TNRC6B: variants seen among roughly 807,000 people sequenced by gnomAD.
TNRC6B encodes the protein trinucleotide repeat-containing gene 6B protein.
A neutral mutation model predicts 203.6 loss-of-function variants in TNRC6B; 52 were observed. The ratio of observed to expected loss-of-function variants is 0.26; its 90% confidence interval spans 0.20 to 0.32. TNRC6B has a LOEUF of 0.32. Ranked by LOEUF, TNRC6B falls within the 10% of genes least tolerant of loss-of-function variation. TNRC6B has a pLI of 1.00. For missense variants in TNRC6B, 1,923 were observed against 2,286.2 expected (o/e 0.84, Z 3.24); for synonymous variants, 838 against 845.7 (o/e 0.99, Z 0.16).
At chr22:40,233,943 G>A (rs567398830) in intron 1 of TNRC6B, among the ~76,000 whole-genome samples, 2 of 152,236 alleles carry the variant, frequency 1.3e-5, no homozygotes, top group South Asian at 2.1e-4. Context: ...TAATGTCATC[G>A]TTTCAGTAGA....
chr22:40,292,545 A>G (rs763119587), intron 12 of TNRC6B, among the ~76,000 whole-genome samples: 6 of 152,252 alleles, frequency 3.9e-5, no homozygotes, highest in Non-Finnish European at 8.8e-5. Flanking sequence ...GTTAAATGCC[A>G]TATCGATTGC....
intron 1 of TNRC6B, among the ~76,000 whole-genome samples, chr22:40,055,936 A>G (rs2067791163): frequency 1.3e-5 from 2 of 152,216 alleles, no homozygotes; most frequent in Admixed American, 1.3e-4. Context: ...CCAAGTCTCC[A>G]AGTGGTTCAC....
intron 3 of TNRC6B, among the ~76,000 whole-genome samples, chr22:40,261,526 G>A (rs1035955492): frequency 6.6e-5 from 10 of 151,666 alleles, no homozygotes; most frequent in Admixed American, 1.3e-4. Context: ...TGCAGTGAGC[G>A]GAGATTGCAC....
rs1420432875 is a variant in TNRC6B, at chr22:40,333,824, T to G, written c.*10583T>G. 6.6e-6 allele frequency: 1 copy of G among 152,638 alleles called. No individual in the cohort carries two copies. Among genetic ancestry groups the G allele is most frequent in the Non-Finnish European group, 1.5e-5 (1 of 68,046 alleles). 9.5% of individuals were successfully genotyped at this position (152,638 alleles called of 1,614,324 possible). ...CTCATGTGGATCTGTCAGCTATTGC[T>G]TGCCTAGATTTGGGCACCCATGAAG... On this transcript the variant is annotated 3_prime_UTR_variant, in exon 23 of 23. Coordinates refer to ENST00000454349, the MANE Select transcript of TNRC6B (RefSeq NM_001162501.2).
chr22:40,219,976 A>G (rs1044745708), intron 1 of TNRC6B, among the ~76,000 whole-genome samples: 1 of 152,168 alleles, frequency 6.6e-6, no homozygotes, highest in South Asian at 2.1e-4. Flanking sequence ...AAATGAACGC[A>G]TGGGGGAAAA....
chr22:40,154,838 CTCAAAAA>C (rs1569000636), intron 3 of TNRC6B, among the ~76,000 whole-genome samples: 1 of 27,048 alleles, frequency 3.7e-5, no homozygotes, highest in Non-Finnish European at 6.2e-5. Context: ...AAGACTCTAT[CTCAAAAA>C]AAAAAAAAAA....
intron 2 of TNRC6B, among the ~76,000 whole-genome samples, chr22:40,246,728 G>A (rs2070112491): frequency 1.3e-5 from 2 of 152,096 alleles, no homozygotes; most frequent in Non-Finnish European, 2.9e-5. Flanking sequence ...ATTTTCTTAA[G>A]CAAGCCTATA....
chr22:40,303,083 T>C (rs1306888260), intron 15 of TNRC6B, among the ~76,000 whole-genome samples: 1 of 134,448 alleles, frequency 7.4e-6, no homozygotes, highest in Non-Finnish European at 1.6e-5. Flanking sequence ...GGAGTCTCAC[T>C]CTGTCGCCCA....
At chr22:40,196,115 C>G (rs1164478860) in intron 1 of TNRC6B, among the ~76,000 whole-genome samples, 2 of 151,758 alleles carry the variant, frequency 1.3e-5, no homozygotes, top group Non-Finnish European at 2.9e-5. Flanking sequence ...TAGGTTGGCC[C>G]ATAGTGCATC....
chr22:40,291,310 A>C (rs767512975), intron 12 of TNRC6B, among the ~76,000 whole-genome samples: 20 of 152,128 alleles, frequency 1.3e-4, no homozygotes, highest in Admixed American at 2.6e-4. Context: ...ACCTGAGCCC[A>C]GGAGGTTGAG....
intron 3 of TNRC6B, among the ~76,000 whole-genome samples, chr22:40,155,575 C>A (rs1265523229): frequency 2.6e-5 from 4 of 152,006 alleles, no homozygotes; most frequent in African/African-American, 9.7e-5. Flanking sequence ...GCGTGAGCCA[C>A]CCTGCCTGGC....
chr22:40,126,962 C>A (rs899681398), intron 3 of TNRC6B, among the ~76,000 whole-genome samples: 1 of 150,282 alleles, frequency 6.7e-6, no homozygotes, highest in Non-Finnish European at 1.5e-5. Flanking sequence ...TTTTTTCAAT[C>A]TAGAGCCTAA....
chr22:40,333,513 C>A lies in TNRC6B; in HGVS notation c.*10272C>A, dbSNP rs1250733247. 6.6e-6 allele frequency: 1 copy of A among 152,632 alleles called. No homozygotes were observed. Among genetic ancestry groups the A allele is most frequent in the Non-Finnish European group, 1.5e-5 (1 of 68,056 alleles). The allele number at this position is 152,632 out of a possible 1,614,324, so 9.5% of individuals were successfully genotyped here. ...TCCACACAATACCTGGAGCTCTCAA[C>A]CTTTCTTGGTTCAGACACACACATA... is the stretch of plus-strand genomic sequence containing the variant. On this transcript the variant is annotated 3_prime_UTR_variant, in exon 23 of 23. Transcript: ENST00000454349.
intron 1 of TNRC6B, among the ~76,000 whole-genome samples, chr22:40,049,495 A>C (rs2067727482): frequency 1.3e-5 from 2 of 152,028 alleles, no homozygotes. Flanking sequence ...AATCTTCATA[A>C]GTGTTATTTA....
intron 4 of TNRC6B, among the ~76,000 whole-genome samples, chr22:40,167,999 A>G (rs1430800267): frequency 1.3e-5 from 2 of 152,234 alleles, no homozygotes; most frequent in Admixed American, 1.3e-4. Context: ...AGAGCAAAGC[A>G]AATCTGTTTC....
chr22:40,083,336 A>T (rs2068075768), intron 1 of TNRC6B, among the ~76,000 whole-genome samples: 1 of 152,184 alleles, frequency 6.6e-6, no homozygotes, highest in African/African-American at 2.4e-5. Flanking sequence ...AATTAACTGA[A>T]TTGAGTGCTG....
At chr22:40,251,268 C>G in intron 3 of TNRC6B, 68 bp downstream of exon 3, 1 of 1,273,918 alleles carries the variant, frequency 7.8e-7, no homozygotes, top group Non-Finnish European at 1.1e-6. Flanking sequence ...CTGTTGCTGA[C>G]TCAGCCTCCA....
At chr22:40,248,736 C>T (rs2070143346) in intron 2 of TNRC6B, among the ~76,000 whole-genome samples, 1 of 152,012 alleles carries the variant, frequency 6.6e-6, no homozygotes, top group Non-Finnish European at 1.5e-5. Flanking sequence ...GGAAAATTAC[C>T]GTAAATAAAA....
chr22:40,216,125 G>A (rs2069631359), intron 1 of TNRC6B, among the ~76,000 whole-genome samples: 2 of 152,228 alleles, frequency 1.3e-5, no homozygotes, highest in African/African-American at 4.8e-5. Flanking sequence ...GCTTTCTGCT[G>A]CATAGCCTTG....
Sources: gnomAD v4.1 joint callset for allele counts (sites outside exome capture counted in the v4.1 genomes callset) on GRCh38, gnomAD v4.1.1 for gene constraint, MANE v1.5 for transcripts, NCBI Gene and HGNC (gene_info 2026-07-23, HGNC 2026-07-21) for gene names.